The following PTPRN2 variants were observed in gnomAD, a reference collection of about 807,000 sequenced individuals.
PTPRN2 encodes protein tyrosine phosphatase receptor type N2.
A neutral mutation model predicts 118.8 loss-of-function variants in PTPRN2; 74 were observed. The ratio of observed to expected loss-of-function variants is 0.62; its 90% CI spans 0.52 to 0.76. The LOEUF (loss-of-function observed/expected upper bound fraction) is 0.76. Ranked by LOEUF, PTPRN2 falls within the 30% of genes least tolerant of loss-of-function variation. The pLI is 0.00. For missense variants in PTPRN2, 1,481 were observed against 1,394.4 expected, an observed-to-expected ratio of 1.06 and a Z score of -0.99; for synonymous variants, 641 against 608.0, an observed-to-expected ratio of 1.05 and a Z score of -0.80.
chr7:158,137,835 G>A (rs1273953568), intron 7 of PTPRN2, among the ~76,000 whole-genome samples: 1 of 152,194 alleles, frequency 6.6e-6, no homozygotes, highest in African/African-American at 2.4e-5. Flanking sequence ...TGACCCATGG[G>A]GCCTCCACAG....
intron 13 of PTPRN2, chr7:157,669,408 C>T: frequency 2.3e-6 from 1 of 431,912 alleles, no homozygotes; most frequent in South Asian, 1.6e-5. Context: ...GAACAACCCA[C>T]ACACGTGTTT....
chr7:157,717,566 G>A (rs899653066), intron 12 of PTPRN2, among the ~76,000 whole-genome samples: 4 of 152,264 alleles, frequency 2.6e-5, no homozygotes, highest in Non-Finnish European at 5.9e-5. Context: ...GAAAGAGCTC[G>A]GAGGTCTATG....
intron 12 of PTPRN2, among the ~76,000 whole-genome samples, chr7:157,848,084 G>A (rs1809000052): frequency 6.8e-6 from 1 of 147,702 alleles, no homozygotes; most frequent in Non-Finnish European, 1.5e-5. Context: ...CCTCATGGGT[G>A]CCGTATGTTT....
chr7:157,941,481 C>G (rs976051565), intron 11 of PTPRN2, among the ~76,000 whole-genome samples: 16 of 151,040 alleles, frequency 1.1e-4, no homozygotes, highest in South Asian at 2.1e-4. Context: ...CCCCCTCCCC[C>G]CTCCGTGACA....
At chr7:157,960,736 G>T (rs1234588548) in intron 11 of PTPRN2, among the ~76,000 whole-genome samples, 1 of 152,268 alleles carries the variant, frequency 6.6e-6, no homozygotes, top group Non-Finnish European at 1.5e-5. Context: ...GTCAGGCATG[G>T]TGGCTTACGC....
chr7:158,362,088 C>A (rs986283637), intron 2 of PTPRN2, among the ~76,000 whole-genome samples: 24 of 152,224 alleles, frequency 1.6e-4, no homozygotes, highest in African/African-American at 5.8e-4. Flanking sequence ...GCCTGGGCCT[C>A]TTTTCCATTA....
chr7:158,260,647 C>T (rs1389131578), intron 3 of PTPRN2, among the ~76,000 whole-genome samples: 1 of 152,190 alleles, frequency 6.6e-6, no homozygotes, highest in African/African-American at 2.4e-5. Flanking sequence ...AATCCCCGTC[C>T]ACATAACACA....
chr7:157,869,225 G>T lies in PTPRN2; in HGVS notation c.1788+29448C>A, dbSNP rs1201908335. ...GCTTAGGTACTTGCAGAGCCTCCCA[G>T]CATGGGAGGTCTGGGTAGGGCCTTG... is the stretch of plus-strand genomic sequence containing the variant. On this transcript the variant is annotated intron_variant, in intron 12 of 22. Coordinates refer to ENST00000389418, the MANE Select transcript of PTPRN2 (RefSeq NM_002847.5). This position sits in a 1 kb window ranked among gnomAD's most constrained non-coding sequence, Gnocchi z 4.2. 6.6e-6 allele frequency: 1 copy of T among 152,148 alleles called. No individual in the cohort carries two copies. The highest frequency in any genetic ancestry group is 1.5e-5 in the Non-Finnish European group (1 of 68,030). 9.4% of individuals were successfully genotyped at this position (152,148 alleles called of 1,614,324 possible). A position where few individuals can be genotyped will look rare whatever the true frequency, so the allele number is the denominator to read the frequency against.
chr7:158,586,678 G>C (rs1485836136), intron 1 of PTPRN2, among the ~76,000 whole-genome samples: 1 of 152,240 alleles, frequency 6.6e-6, no homozygotes, highest in Non-Finnish European at 1.5e-5. Context: ...CCTCGCTGCC[G>C]TGAAGCTGCC....
In PTPRN2 at chr7:158,093,860, A is replaced by G. The variant is rs890243968; in HGVS notation, c.1644-12483T>C. On this transcript the variant is annotated intron_variant, in intron 10 of 22. Coordinates refer to ENST00000389418, the MANE Select transcript of PTPRN2 (RefSeq NM_002847.5). The surrounding 1 kb of genome is among the most constrained non-coding windows in gnomAD (Gnocchi z 4.4). ...TTCTTATTTGAATGTATGAGGAAAC[A>G]AAGACACACACAGTTATTGCAAGAT... 6.6e-6 allele frequency among the ~76,000 whole-genome samples: 1 copy of G among 152,128 alleles called. No homozygotes were observed. Among genetic ancestry groups the G allele is most frequent in the African/African-American group, 2.4e-5 (1 of 41,474 alleles).
Position 157,986,473 on chromosome 7 carries a change from G to A in PTPRN2, c.1724-87736C>T, listed in dbSNP as rs1032231351. ...AGAGGTGGGGCTGGAGGTCAGAACT[G>A]GCTGCATCCGTCTCCATCTCCCCAA... On this transcript the variant is annotated intron_variant, in intron 11 of 22. Transcript: ENST00000389418. The surrounding 1 kb of genome is among the most constrained non-coding windows in gnomAD (Gnocchi z 4.5). 2.2e-4 allele frequency among the ~76,000 whole-genome samples: 33 copies of A among 152,106 alleles called. No homozygotes were observed. Among genetic ancestry groups the A allele is most frequent in the African/African-American group, 7.5e-4 (31 of 41,428 alleles).
At chr7:158,421,857 TAAAG>T (rs1250388241) in intron 2 of PTPRN2, among the ~76,000 whole-genome samples, 1 of 152,210 alleles carries the variant, frequency 6.6e-6, no homozygotes, top group Non-Finnish European at 1.5e-5. Context: ...GGCATTCTAA[TAAAG>T]AATTTTTATT....
intron 17 of PTPRN2, among the ~76,000 whole-genome samples, chr7:157,578,743 C>G (rs902655416): frequency 1.3e-5 from 2 of 152,218 alleles, no homozygotes; most frequent in East Asian, 3.8e-4. Context: ...ACATTTAAAC[C>G]CACAGAAATT....
chr7:158,165,257 A>G (rs548080276), intron 6 of PTPRN2, among the ~76,000 whole-genome samples: 2 of 152,150 alleles, frequency 1.3e-5, no homozygotes, highest in South Asian at 4.2e-4. Context: ...CCATCAAGGA[A>G]AGGGGTTTCT....
chr7:158,336,537 TGCC>T (rs1805573300), intron 2 of PTPRN2, among the ~76,000 whole-genome samples: 1 of 96,990 alleles, frequency 1.0e-5, no homozygotes, highest in Admixed American at 1.1e-4. Context: ...AGGTGAAACC[TGCC>T]GACGTCACTC....
At chr7:157,574,224 AC>A (rs948458377) in intron 19 of PTPRN2, 6 of 354,212 alleles carry the variant, frequency 1.7e-5, no homozygotes, top group Non-Finnish European at 3.8e-5. Context: ...ATACAAACCA[AC>A]CCAGGGGTCA....
intron 12 of PTPRN2, among the ~76,000 whole-genome samples, chr7:157,819,429 G>C (rs1450072720): frequency 6.6e-6 from 1 of 152,170 alleles, no homozygotes; most frequent in Non-Finnish European, 1.5e-5. Context: ...AACACCAGGG[G>C]CTGCGCAGAG....
chr7:158,257,159 T>C (rs1445340192), intron 3 of PTPRN2, among the ~76,000 whole-genome samples: 1 of 152,120 alleles, frequency 6.6e-6, no homozygotes, highest in Non-Finnish European at 1.5e-5. Flanking sequence ...GTATCCTCTG[T>C]CTACCACCCA....
At position 158,525,861 on chromosome 7, in the gene PTPRN2, G is replaced by A. The variant is rs540014746; in HGVS notation, c.113-36076C>T. Among the ~76,000 whole-genome samples the A allele has an allele frequency of 1.3e-5, 2 of 152,276 alleles. No homozygotes were observed. Among genetic ancestry groups the A allele is most frequent in the East Asian group, 3.9e-4 (2 of 5,150 alleles). On this transcript the variant is annotated intron_variant, in intron 1 of 22. Coordinates refer to ENST00000389418, the MANE Select transcript of PTPRN2 (RefSeq NM_002847.5). The surrounding 1 kb of genome is among the most constrained non-coding windows in gnomAD (Gnocchi z 4.1). The stretch of plus-strand genomic sequence containing the variant: ...GCAAGAGGAAAGCCCCGATGATACA[G>A]GGTGAAGACGCCTCCCCTCACAGAC...
Sources: allele counts gnomAD v4.1 joint callset (sites outside exome capture counted in the v4.1 genomes callset), GRCh38; gene constraint gnomAD v4.1.1; non-coding constraint Gnocchi (gnomAD v3.1); transcripts MANE v1.5; gene names NCBI Gene and HGNC (gene_info 2026-07-23, HGNC 2026-07-21).